The following PTPRD variants were observed in gnomAD, a reference collection of about 807,000 sequenced individuals.
PTPRD encodes the protein protein tyrosine phosphatase receptor type D, also known as receptor-type tyrosine-protein phosphatase delta.
PTPRD carries 34 observed loss-of-function variants against 214.5 expected under a neutral mutation model. That is an observed-to-expected ratio of 0.16 (90% CI 0.12 to 0.21). The LOEUF (loss-of-function observed/expected upper bound fraction) is 0.21. Among genes scored for constraint, PTPRD ranks in the 10% least tolerant of loss-of-function variants. PTPRD has a pLI of 1.00. For missense variants in PTPRD, 2,545 were observed against 2,398.7 expected (o/e 1.06, Z -1.27); for synonymous variants, 1,128 against 845.7 (o/e 1.33, Z -5.79).
intron 11 of PTPRD, among the ~76,000 whole-genome samples, chr9:8,894,659 T>C (rs773977952): frequency 4.6e-5 from 7 of 152,188 alleles, no homozygotes; most frequent in Admixed American, 1.3e-4. Context: ...TTAGTAAATA[T>C]TTAGTAAACT....
chr9:9,584,359 C>CATTATTATTATT (rs565638451), intron 7 of PTPRD, among the ~76,000 whole-genome samples: 3,279 of 149,176 alleles, frequency 0.022, 122 homozygotes, highest in African/African-American at 0.076. Flanking sequence ...ATTTCATCAC[C>CATTATTATTATT]ATTATTATTA....
chr9:9,555,461 C>G (rs917081202), intron 8 of PTPRD, among the ~76,000 whole-genome samples: 1 of 151,960 alleles, frequency 6.6e-6, no homozygotes, highest in East Asian at 1.9e-4. Flanking sequence ...CTTTATTTAT[C>G]GTATTATAGT....
intron 8 of PTPRD, among the ~76,000 whole-genome samples, chr9:9,410,303 G>C (rs894257511): frequency 6.6e-6 from 1 of 152,132 alleles, no homozygotes; most frequent in Non-Finnish European, 1.5e-5. Flanking sequence ...AAGAAAGTTC[G>C]TTCTGTGATT....
chr9:9,659,581 A>G (rs2096584342), intron 7 of PTPRD, among the ~76,000 whole-genome samples: 1 of 152,030 alleles, frequency 6.6e-6, no homozygotes. Flanking sequence ...TTACAGAACC[A>G]TTTGGAATAG....
In PTPRD at chr9:9,384,343, C is replaced by CTTTTTTTTTTTTTTTTTTTTT. The variant is rs869246078; in HGVS notation, c.-203+13085_-203+13105dup. Among the ~76,000 whole-genome samples the CTTTTTTTTTTTTTTTTTTTTT allele has an allele frequency of 6.0e-5, 2 of 33,316 alleles. 1 individual carries two copies. The highest frequency in any genetic ancestry group is 1.4e-4 in the Non-Finnish European group (2 of 14,296). 21.9% of individuals were successfully genotyped at this position (33,316 alleles called of 152,430 possible). A position where few individuals can be genotyped will look rare whatever the true frequency, so the allele number is the denominator to read the frequency against. On this transcript the variant is annotated intron_variant, in intron 9 of 45. Coordinates refer to ENST00000381196, the MANE Select transcript of PTPRD (RefSeq NM_002839.4). ...GATGATATTTGAGCAGAAGACTAGG[C>CTTTTTTTTTTTTTTTTTTTTT]TTTTTTTTTTTTTTTTTTTTTTTTT...
chr9:8,618,906 GT>G (rs1270022921), intron 14 of PTPRD, among the ~76,000 whole-genome samples: 3 of 96,774 alleles, frequency 3.1e-5, no homozygotes, highest in South Asian at 8.4e-4. Flanking sequence ...GTTTGTCTGT[GT>G]TTTTTTGTTT....
intron 2 of PTPRD, among the ~76,000 whole-genome samples, chr9:10,573,940 GAATAAAATA>G (rs2068293559): frequency 6.6e-6 from 1 of 151,986 alleles, no homozygotes; most frequent in East Asian, 1.9e-4. Context: ...ACTTAAAGTA[GAATAAAATA>G]AATAAATTAA....
chr9:9,896,848 T>A (rs973230900), intron 5 of PTPRD, among the ~76,000 whole-genome samples: 38 of 152,056 alleles, frequency 2.5e-4, no homozygotes, highest in African/African-American at 9.2e-4. Context: ...ATACTTTAAA[T>A]AACATATTAG....
In PTPRD at chr9:8,778,555, G is replaced by T. The variant is rs368702492; in HGVS notation, c.-103-44609C>A. ...GGTGTCTTTTTGCTCTCATTCTTGCGCTGGGTCCTGGGCCGTGACTTCCAA... is the reference window on the plus strand; with the variant it reads ...GGTGTCTTTTTGCTCTCATTCTTGCTCTGGGTCCTGGGCCGTGACTTCCAA... On this transcript the variant is annotated intron_variant, in intron 11 of 45. Coordinates refer to ENST00000381196, the MANE Select transcript of PTPRD (RefSeq NM_002839.4). 4.6e-4 allele frequency among the ~76,000 whole-genome samples: 70 copies of T among 152,200 alleles called. No homozygotes were observed. The South Asian group carries it at 0.012, about 27-fold the overall frequency.
chr9:9,504,380 G>C (rs922257886), intron 8 of PTPRD, among the ~76,000 whole-genome samples: 1 of 151,532 alleles, frequency 6.6e-6, no homozygotes, highest in Non-Finnish European at 1.5e-5. Flanking sequence ...AATTCTTATG[G>C]CTTATGATGA....
At chr9:8,756,367 T>C (rs1253702510) in intron 11 of PTPRD, among the ~76,000 whole-genome samples, 2 of 152,232 alleles carry the variant, frequency 1.3e-5, no homozygotes, top group Non-Finnish European at 2.9e-5. Flanking sequence ...TTTTTTTAAA[T>C]ATTGTTAAAC....
chr9:9,143,719 C>G (rs943324316), intron 10 of PTPRD, among the ~76,000 whole-genome samples: 8 of 152,212 alleles, frequency 5.3e-5, no homozygotes, highest in Admixed American at 1.3e-4. Flanking sequence ...TTTGGTCACA[C>G]ATTTTGAATA....
intron 3 of PTPRD, among the ~76,000 whole-genome samples, chr9:10,051,666 G>A (rs1214587253): frequency 6.7e-6 from 1 of 149,318 alleles, no homozygotes; most frequent in African/African-American, 2.5e-5. Context: ...TGTTCTCATT[G>A]TTCAATTCCC....
chr9:10,516,775 T>G (rs2050257048), intron 2 of PTPRD, among the ~76,000 whole-genome samples: 1 of 151,972 alleles, frequency 6.6e-6, no homozygotes, highest in Non-Finnish European at 1.5e-5. Flanking sequence ...GGGTCCAATT[T>G]TATTATTTTG....
intron 4 of PTPRD, among the ~76,000 whole-genome samples, chr9:9,990,250 TTCTTC>T (rs975379237): frequency 1.3e-5 from 2 of 152,196 alleles, no homozygotes. Context: ...TATCTTTCCT[TTCTTC>T]TCTCATGGTT....
intron 11 of PTPRD, among the ~76,000 whole-genome samples, chr9:8,941,950 C>T (rs1305671714): frequency 1.3e-5 from 2 of 152,080 alleles, no homozygotes; most frequent in Non-Finnish European, 2.9e-5. Context: ...GGATTACAGG[C>T]GCCCACTACC....
intron 2 of PTPRD, among the ~76,000 whole-genome samples, chr9:10,352,771 T>C (rs968841391): frequency 6.6e-6 from 1 of 152,008 alleles, no homozygotes; most frequent in Admixed American, 6.6e-5. Flanking sequence ...AAATCTGTTG[T>C]GTAAATGACT....
chr9:8,894,808 G>A (rs552710334), intron 11 of PTPRD, among the ~76,000 whole-genome samples: 1 of 152,194 alleles, frequency 6.6e-6, no homozygotes, highest in East Asian at 1.9e-4. Context: ...TGTCCTTGTT[G>A]TTAATTTAGA....
intron 14 of PTPRD, among the ~76,000 whole-genome samples, chr9:8,614,129 C>T (rs1186232275): frequency 6.6e-6 from 1 of 152,048 alleles, no homozygotes; most frequent in Non-Finnish European, 1.5e-5. Flanking sequence ...TGGTAAATGT[C>T]ATTTAAGATA....
Sources: gnomAD v4.1 joint callset for allele counts (sites outside exome capture counted in the v4.1 genomes callset) on GRCh38, gnomAD v4.1.1 for gene constraint, MANE v1.5 for transcripts, NCBI Gene and HGNC (gene_info 2026-07-23, HGNC 2026-07-21) for gene names.